ZNF575: variants seen among roughly 807,000 people sequenced by gnomAD.
ZNF575 encodes zinc finger protein 575.
Under a neutral mutation model 17.5 loss-of-function variants are expected in ZNF575, and 17 were observed. The observed-to-expected ratio is 0.97, with a 90% CI of 0.66 to 1.45. The LOEUF (loss-of-function observed/expected upper bound fraction) is 1.45, where lower values mean the gene tolerates loss of function less well. Ranked by LOEUF, ZNF575 falls within the 40% of genes most tolerant of loss-of-function variation. The pLI is 0.00. For missense variants in ZNF575, 352 were observed against 359.2 expected (o/e 0.98, Z 0.16); for synonymous variants, 146 against 158.3 (o/e 0.92, Z 0.58).
At position 43,534,389 on chromosome 19, in the gene ZNF575, C is replaced by T; in HGVS notation, c.-34C>T. 6.5e-7 allele frequency: 1 copy of T among 1,541,030 alleles called. No individual in the cohort carries two copies. Among genetic ancestry groups the T allele is most frequent in the Non-Finnish European group, 8.7e-7 (1 of 1,143,466 alleles). Reference sequence around the variant, plus strand: ...GGTCATCACCGGCGTCACCCCCGCCCCGCGCCCTGCCCCTAGGTTCCTGTG... The same window carrying T: ...GGTCATCACCGGCGTCACCCCCGCCTCGCGCCCTGCCCCTAGGTTCCTGTG... On this transcript the variant is annotated 5_prime_UTR_variant, in exon 3 of 4. Coordinates refer to ENST00000314228, the MANE Select transcript of ZNF575 (RefSeq NM_174945.3).
At chr19:43,532,324 T>C (rs1252993064), upstream of ZNF575, among the ~76,000 whole-genome samples, 2 of 151,916 alleles carry the variant, frequency 1.3e-5, no homozygotes, top group Admixed American at 6.6e-5. Flanking sequence ...CCACCGTGCC[T>C]AGCCCCCGTC....
In ZNF575 at chr19:43,535,070, C is replaced by T; in HGVS notation, c.121C>T (p.Pro41Ser). The change falls in exon 4 of 4, where the codon CCA becomes TCA. Residue 41 changes from proline to serine, a missense_variant. Coordinates refer to ENST00000314228, the MANE Select transcript of ZNF575 (RefSeq NM_174945.3). ...ACCGCAGAAGCCCAGCCAGTCAGCT[C>T]CAGGGCCCACCGCGTCCGCGGGCTC... ...GPPQKPSQSA[P>S]GPTASAGSPP... is the part of the protein sequence containing the mutation. The T allele has an allele frequency of 6.7e-7, 1 of 1,492,600 alleles. No homozygotes were observed. The highest frequency in any genetic ancestry group is 1.3e-5 in the South Asian group (1 of 78,124). The allele number at this position is 1,492,600 out of a possible 1,614,324, so 92.5% of individuals were successfully genotyped here. A position where few individuals can be genotyped will look rare whatever the true frequency, so the allele number is the denominator to read the frequency against.
chr19:43,534,578 C>A, intron 3 of ZNF575, 77 bp downstream of exon 3: 1 of 1,346,850 alleles, frequency 7.4e-7, no homozygotes, highest in Non-Finnish European at 9.7e-7. Flanking sequence ...GGGGGAATCT[C>A]AGGGTGAAAA....
At position 43,535,841 on chromosome 19, in the gene ZNF575, C is replaced by A; in HGVS notation, c.*154C>A. On this transcript the variant is annotated 3_prime_UTR_variant, in exon 4 of 4. Coordinates refer to ENST00000314228, the MANE Select transcript of ZNF575 (RefSeq NM_174945.3). Reference sequence around the variant, plus strand: ...TTTATACTGGGCTCGAGCTCAGAAGCCCGAGGAACTCTTTGCTCCCCTGCT... The same window carrying A: ...TTTATACTGGGCTCGAGCTCAGAAGACCGAGGAACTCTTTGCTCCCCTGCT... The A allele has an allele frequency of 2.4e-6, 2 of 839,904 alleles. No individual in the cohort carries two copies. The highest frequency in any genetic ancestry group is 1.8e-6 in the Non-Finnish European group (1 of 555,822). The allele number at this position is 839,904 out of a possible 1,614,324, so 52.0% of individuals were successfully genotyped here.
rs1192700415 is a variant in ZNF575 at position 43,535,296 on chromosome 19, C to T, written c.347C>T (p.Ala116Val). 1 of 1,611,622 alleles carries T rather than the reference C, an allele frequency of 6.2e-7. No homozygotes were observed. Among genetic ancestry groups the T allele is most frequent in the East Asian group, 2.2e-5 (1 of 44,812 alleles). The change falls in exon 4 of 4, where the codon GCC (alanine) becomes GTC (valine). Residue 116 changes from alanine (A) to valine (V), a missense_variant. Physicochemically the swap from Ala to Val is moderately conservative, Grantham distance 64. Transcript: ENST00000314228. ...GCCCACCGCCTCACGCACAGCGGCG[C>T]CCGCCCGCACCCGTGCCCACACTGC... ...LAAHRLTHSGARPHPCPHCPK... is the reference protein window; with the variant it reads ...LAAHRLTHSGVRPHPCPHCPK...
chr19:43,532,010 TTTTG>T (rs1350360901), upstream of ZNF575: 4 of 434,564 alleles, frequency 9.2e-6, no homozygotes, highest in Non-Finnish European at 1.6e-5. Flanking sequence ...AGGCTGGGAT[TTTTG>T]TTTGTTTGGG....
chr19:43,534,354 C>A lies in ZNF575; in HGVS notation c.-69C>A. On this transcript the variant is annotated 5_prime_UTR_variant, in exon 3 of 4. Transcript: ENST00000314228. ...CATTTTAGGCCCTCCAACCCTATCCCCATCAGCCTGGTCATCACCGGCGTC... is the reference window on the plus strand; with the variant it reads ...CATTTTAGGCCCTCCAACCCTATCCACATCAGCCTGGTCATCACCGGCGTC... The A allele has an allele frequency of 6.9e-7, 1 of 1,441,246 alleles. No individual in the cohort carries two copies. Among genetic ancestry groups the A allele is most frequent in the Non-Finnish European group, 9.5e-7 (1 of 1,054,206 alleles). The allele number at this position is 1,441,246 out of a possible 1,614,324, so 89.3% of individuals were successfully genotyped here. A position where few individuals can be genotyped will look rare whatever the true frequency, so the allele number is the denominator to read the frequency against.
At position 43,535,488 on chromosome 19, in the gene ZNF575, C is replaced by T; in HGVS notation, c.539C>T (p.Pro180Leu). 6.2e-7 allele frequency: 1 copy of T among 1,613,902 alleles called. No homozygotes were observed. The highest frequency in any genetic ancestry group is 8.5e-7 in the Non-Finnish European group (1 of 1,179,932). ...ACCGACGCCCGCCCCTATCCTTGCCCGCATTGCCCCAAGGCTTTCTCATTT... is the reference window on the plus strand; with the variant it reads ...ACCGACGCCCGCCCCTATCCTTGCCTGCATTGCCCCAAGGCTTTCTCATTT... ...HATDARPYPC[P>L]HCPKAFSFPS... The change falls in exon 4 of 4, where the codon CCG becomes CTG. Residue 180 changes from proline (P) to leucine (L), a missense_variant. Coordinates refer to ENST00000314228, the MANE Select transcript of ZNF575 (RefSeq NM_174945.3).
chr19:43,531,177 G>C (rs1464331081), upstream of ZNF575, among the ~76,000 whole-genome samples: 1 of 151,480 alleles, frequency 6.6e-6, no homozygotes, highest in Non-Finnish European at 1.5e-5. Flanking sequence ...TGTAATCCCA[G>C]CTACTCAGGA....
At chr19:43,534,786 G>A (rs1217237138) in intron 3 of ZNF575, among the ~76,000 whole-genome samples, 1 of 152,132 alleles carries the variant, frequency 6.6e-6, no homozygotes, top group African/African-American at 2.4e-5. Flanking sequence ...CGGATACCTT[G>A]GTAGCTTTGA....
Position 43,535,200 on chromosome 19 carries a change from C to A in ZNF575, c.251C>A (p.Ala84Glu). The change falls in exon 4 of 4, where the codon GCA becomes GAA. Residue 84 changes from alanine (A) to glutamate (E), a missense_variant. By Grantham distance (107) the Ala-to-Glu change is moderately radical (BLOSUM62 -1). Coordinates refer to ENST00000314228, the MANE Select transcript of ZNF575 (RefSeq NM_174945.3). ...YPSKLATHRL[A>E]HGGARPHPCP... The stretch of plus-strand genomic sequence containing the variant: ...TCCAAGCTGGCCACGCACCGCTTAG[C>A]ACACGGAGGCGCCCGACCCCACCCA... The A allele has an allele frequency of 6.2e-7, 1 of 1,610,472 alleles. No individual in the cohort carries two copies. Among genetic ancestry groups the A allele is most frequent in the Non-Finnish European group, 8.5e-7 (1 of 1,178,554 alleles).
chr19:43,532,172 G>A (rs947881893), upstream of ZNF575, among the ~76,000 whole-genome samples: 1 of 140,094 alleles, frequency 7.1e-6, no homozygotes, highest in Non-Finnish European at 1.6e-5. Flanking sequence ...GAGATTACAA[G>A]CGTGTGCCAC....
chr19:43,531,157 G>A (rs982777592), upstream of ZNF575, among the ~76,000 whole-genome samples: 4 of 150,678 alleles, frequency 2.7e-5, no homozygotes, highest in Non-Finnish European at 5.9e-5. Flanking sequence ...CAGGCGTGGT[G>A]ACGGGCACCT....
Position 43,535,267 on chromosome 19 carries a change from G to A in ZNF575, c.318G>A (p.Leu106=). The part of the protein sequence containing the change: ...CPKAFSYPSK[L]AAHRLTHSGA... ...AGGCCTTCTCCTACCCCTCCAAGCT[G>A]GCAGCCCACCGCCTCACGCACAGCG... is the stretch of plus-strand genomic sequence containing the variant. The change falls in exon 4 of 4, where the codon CTG becomes CTA. Residue 106 remains leucine (L), a synonymous_variant. Coordinates refer to ENST00000314228, the MANE Select transcript of ZNF575 (RefSeq NM_174945.3). The A allele has an allele frequency of 6.2e-7, 1 of 1,612,104 alleles. No individual in the cohort carries two copies. Among genetic ancestry groups the A allele is most frequent in the Non-Finnish European group, 8.5e-7 (1 of 1,179,390 alleles).
At position 43,535,060 on chromosome 19, in the gene ZNF575, C is replaced by A; in HGVS notation, c.111C>A (p.Ser37Arg). 6.7e-7 allele frequency: 1 copy of A among 1,486,596 alleles called. No homozygotes were observed. Among genetic ancestry groups the A allele is most frequent in the South Asian group, 1.3e-5 (1 of 77,498 alleles). 92.1% of individuals were successfully genotyped at this position (1,486,596 alleles called of 1,614,324 possible). A position where few individuals can be genotyped will look rare whatever the true frequency, so the allele number is the denominator to read the frequency against. ...ACCAGGGCCCACCGCAGAAGCCCAGCCAGTCAGCTCCAGGGCCCACCGCGT... is the reference window on the plus strand; with the variant it reads ...ACCAGGGCCCACCGCAGAAGCCCAGACAGTCAGCTCCAGGGCCCACCGCGT... ...APHQGPPQKP[S>R]QSAPGPTASA... Residue 37 changes from serine to arginine, a missense_variant, in exon 4 of 4, where the codon AGC becomes AGA. By Grantham distance (110) the Ser-to-Arg change is moderately radical. Coordinates refer to ENST00000314228, the MANE Select transcript of ZNF575 (RefSeq NM_174945.3).
chr19:43,535,486 C>T lies in ZNF575; in HGVS notation c.537C>T (p.Cys179=), dbSNP rs769218154. ...CCACCGACGCCCGCCCCTATCCTTGCCCGCATTGCCCCAAGGCTTTCTCAT... is the reference window on the plus strand; with the variant it reads ...CCACCGACGCCCGCCCCTATCCTTGTCCGCATTGCCCCAAGGCTTTCTCAT... ...HHATDARPYP[C]PHCPKAFSFP... The change falls in exon 4 of 4, where the codon TGC becomes TGT. Residue 179 remains cysteine, a synonymous_variant. Coordinates refer to ENST00000314228, the MANE Select transcript of ZNF575 (RefSeq NM_174945.3). 2.5e-6 allele frequency: 4 copies of T among 1,613,674 alleles called. No homozygotes were observed. Among genetic ancestry groups the T allele is most frequent in the East Asian group, 2.2e-5 (1 of 44,848 alleles).
rs1654240373 is a variant in ZNF575, at chr19:43,535,153, T to A, written c.204T>A (p.Cys68Ter). The A allele has an allele frequency of 6.3e-7, 1 of 1,595,166 alleles. No individual in the cohort carries two copies. Among genetic ancestry groups the A allele is most frequent in the Non-Finnish European group, 8.5e-7 (1 of 1,172,560 alleles). Residue 68 changes from cysteine (C) to a stop codon, truncating the protein, a stop_gained, in exon 4 of 4, where the codon TGT becomes TGA. Transcript: ENST00000314228. LOFTEE classifies it high-confidence loss of function. ...AGCGCCCGCACCGCTGCCCCGACTG[T>A]GACAAGGCCTTCTCGTACCCGTCCA... Reference protein sequence around the residue: ...PPQRPHRCPDCDKAFSYPSKL... With the variant: ...PPQRPHRCPD
chr19:43,535,807 G>A lies in ZNF575; in HGVS notation c.*120G>A, dbSNP rs1972413693. ...ATAGCTGGCAGAGGGCAGGGCAAGG[G>A]ATTGGCCATTTATACTGGGCTCGAG... On this transcript the variant is annotated 3_prime_UTR_variant, in exon 4 of 4. Coordinates refer to ENST00000314228, the MANE Select transcript of ZNF575 (RefSeq NM_174945.3). 1.6e-6 allele frequency: 2 copies of A among 1,221,650 alleles called. No individual in the cohort carries two copies. Among genetic ancestry groups the A allele is most frequent in the African/African-American group, 3.0e-5 (2 of 65,618 alleles). 75.7% of individuals were successfully genotyped at this position (1,221,650 alleles called of 1,614,324 possible).
At chr19:43,533,736 G>C (rs1972374679) in intron 1 of ZNF575, 59 bp from the exon 2 acceptor site, 1 of 152,462 alleles carries the variant, frequency 6.6e-6, no homozygotes. Flanking sequence ...TGAGGGAAAA[G>C]TCCATTAGGG....
Sources: gnomAD v4.1 joint callset for allele counts (sites outside exome capture counted in the v4.1 genomes callset) on GRCh38, gnomAD v4.1.1 for gene constraint, MANE v1.5 for transcripts, NCBI Gene and HGNC (gene_info 2026-07-23, HGNC 2026-07-21) for gene names.